The following ELMO1 variants were observed in gnomAD, a reference collection of about 807,000 sequenced individuals.
The protein encoded by ELMO1 is engulfment and cell motility 1, also known as engulfment and cell motility protein 1.
Under a neutral mutation model 98.9 loss-of-function variants are expected in ELMO1, and 26 were observed. That is an observed-to-expected ratio of 0.26 (90% CI 0.19 to 0.36). The LOEUF (loss-of-function observed/expected upper bound fraction) is 0.36, where lower values mean the gene tolerates loss of function less well. Among genes scored for constraint, ELMO1 ranks in the 10% least tolerant of loss-of-function variants. The pLI is 1.00. For missense variants in ELMO1, 627 were observed against 935.2 expected (o/e 0.67, Z 4.30); for synonymous variants, 346 against 346.0 (o/e 1.00, Z 0.00).
intron 14 of ELMO1, among the ~76,000 whole-genome samples, chr7:37,096,991 G>C (rs200585524): frequency 1.3e-5 from 2 of 152,182 alleles, no homozygotes; most frequent in Non-Finnish European, 2.9e-5. Flanking sequence ...AGCCTGGAGA[G>C]TGTTTTGGAA....
intron 16 of ELMO1, among the ~76,000 whole-genome samples, chr7:36,978,050 C>G (rs779476805): frequency 1.1e-4 from 16 of 152,160 alleles, no homozygotes; most frequent in Admixed American, 2.6e-4. Flanking sequence ...AGAACAGTAC[C>G]TGATACAGGG....
intron 15 of ELMO1, among the ~76,000 whole-genome samples, chr7:37,046,130 A>G (rs1364368724): frequency 1.3e-5 from 2 of 152,244 alleles, no homozygotes; most frequent in African/African-American, 2.4e-5. Flanking sequence ...GAATATAAAT[A>G]AGCCAAGAAA....
chr7:37,303,636 G>C (rs73110887), intron 4 of ELMO1, among the ~76,000 whole-genome samples: 190 of 152,234 alleles, frequency 1.2e-3, no homozygotes, highest in Middle Eastern at 6.8e-3. Flanking sequence ...AAGTGTTCTG[G>C]TGTTTTTAGG....
chr7:36,953,146 T>G (rs945855079), intron 16 of ELMO1, among the ~76,000 whole-genome samples: 1 of 151,868 alleles, frequency 6.6e-6, no homozygotes, highest in African/African-American at 2.4e-5. Context: ...TTTTGTATTT[T>G]CAGTAGAGAT....
rs908671223 is a variant in ELMO1, at chr7:36,852,919, A to T, written c.*2632T>A. Among the ~76,000 whole-genome samples the T allele has an allele frequency of 2.6e-5, 4 of 152,224 alleles. No individual in the cohort carries two copies. The highest frequency in any genetic ancestry group is 5.9e-5 in the Non-Finnish European group (4 of 68,036). ...AACATCAGCAGATTCAAATTAAGTAATCAGTTTTATTTTGAGTAATATGAA... is the reference window on the plus strand; with the variant it reads ...AACATCAGCAGATTCAAATTAAGTATTCAGTTTTATTTTGAGTAATATGAA... On this transcript the variant is annotated 3_prime_UTR_variant, in exon 22 of 22. Coordinates refer to ENST00000310758, the MANE Select transcript of ELMO1 (RefSeq NM_014800.11).
intron 4 of ELMO1, among the ~76,000 whole-genome samples, chr7:37,309,593 A>G (rs1301315396): frequency 1.3e-5 from 2 of 152,202 alleles, no homozygotes; most frequent in African/African-American, 2.4e-5. Context: ...TGTATAGGGT[A>G]TTTGGCTGGT....
intron 15 of ELMO1, among the ~76,000 whole-genome samples, chr7:37,059,891 C>G (rs1040627899): frequency 6.6e-6 from 1 of 152,132 alleles, no homozygotes; most frequent in African/African-American, 2.4e-5. Flanking sequence ...GGGGCAGGCA[C>G]AGAACTACAC....
intron 1 of ELMO1, among the ~76,000 whole-genome samples, chr7:37,411,775 C>T (rs1188975415): frequency 1.3e-5 from 2 of 152,200 alleles, no homozygotes; most frequent in Admixed American, 1.3e-4. Flanking sequence ...ACACTTAATT[C>T]AGAAGCATCA....
intron 1 of ELMO1, among the ~76,000 whole-genome samples, chr7:37,385,999 C>G (rs1242642571): frequency 6.6e-6 from 1 of 152,180 alleles, no homozygotes; most frequent in Non-Finnish European, 1.5e-5. Flanking sequence ...CCTCCTCAAC[C>G]GGAGAGCTCC....
At chr7:36,926,550 C>T (rs1281680360) in intron 16 of ELMO1, among the ~76,000 whole-genome samples, 1 of 152,128 alleles carries the variant, frequency 6.6e-6, no homozygotes, top group Non-Finnish European at 1.5e-5. Flanking sequence ...CTTTGGGATC[C>T]ACTCAGAATT....
intron 1 of ELMO1, chr7:37,393,807 T>C (rs1803179563): frequency 6.6e-6 from 1 of 152,158 alleles, no homozygotes; most frequent in Non-Finnish European, 1.5e-5. Flanking sequence ...CACAAGCCCA[T>C]AAAGATTGGC....
At chr7:37,237,338 G>A (rs1201720835) in intron 7 of ELMO1, among the ~76,000 whole-genome samples, 1 of 152,146 alleles carries the variant, frequency 6.6e-6, no homozygotes, top group East Asian at 1.9e-4. Flanking sequence ...TGCCCAGGCT[G>A]GAGTGCAGTA....
At chr7:36,913,382 T>A (rs536077791) in intron 16 of ELMO1, among the ~76,000 whole-genome samples, 1 of 152,278 alleles carries the variant, frequency 6.6e-6, no homozygotes, top group East Asian at 1.9e-4. Context: ...TCACAGGAAA[T>A]TACATAGAGC....
rs1253737400 is a variant in ELMO1 at position 37,267,038 on chromosome 7, T to TATACACACACAC, written c.243+4793_243+4794insGTGTGTGTGTAT. ...AAAAAAAAAAAAAAATATGTATATA[T>TATACACACACAC]ACACACACACACACACACACACACA... On this transcript the variant is annotated intron_variant, in intron 5 of 21. Transcript: ENST00000310758. 3.0e-5 allele frequency among the ~76,000 whole-genome samples: 3 copies of TATACACACACAC among 100,318 alleles called. No homozygotes were observed. In the East Asian group the frequency reaches 7.7e-4, roughly 26 times the overall value. 65.8% of individuals were successfully genotyped at this position (100,318 alleles called of 152,430 possible). A position where few individuals can be genotyped will look rare whatever the true frequency, so the allele number is the denominator to read the frequency against.
chr7:37,313,992 A>G (rs1021709360), intron 4 of ELMO1, among the ~76,000 whole-genome samples: 1 of 152,220 alleles, frequency 6.6e-6, no homozygotes, highest in African/African-American at 2.4e-5. Context: ...AAACTGGCTC[A>G]TATGCATTTC....
intron 15 of ELMO1, among the ~76,000 whole-genome samples, chr7:37,018,814 G>C (rs1481920251): frequency 6.6e-6 from 1 of 151,752 alleles, no homozygotes; most frequent in African/African-American, 2.4e-5. Flanking sequence ...CATAGGCTTA[G>C]TAAACGGTGG....
At chr7:36,944,479 C>T (rs1174043142) in intron 16 of ELMO1, among the ~76,000 whole-genome samples, 1 of 152,184 alleles carries the variant, frequency 6.6e-6, no homozygotes, top group Non-Finnish European at 1.5e-5. Flanking sequence ...CTGGGACCTC[C>T]CGTATAATAT....
At chr7:37,088,484 G>A (rs1225112197) in intron 15 of ELMO1, among the ~76,000 whole-genome samples, 1 of 152,156 alleles carries the variant, frequency 6.6e-6, no homozygotes, top group Non-Finnish European at 1.5e-5. Context: ...CACAAATAGT[G>A]CATTTTACAG....
At chr7:36,950,889 G>A (rs190617963) in intron 16 of ELMO1, among the ~76,000 whole-genome samples, 4 of 152,296 alleles carry the variant, frequency 2.6e-5, no homozygotes, top group Admixed American at 1.3e-4. Flanking sequence ...GGAAGGCCGA[G>A]AGGGCGTGTC....
Sources: allele counts gnomAD v4.1 joint callset (sites outside exome capture counted in the v4.1 genomes callset), GRCh38; gene constraint gnomAD v4.1.1; transcripts MANE v1.5; gene names NCBI Gene and HGNC (gene_info 2026-07-23, HGNC 2026-07-21).